RCOR1: variants seen among roughly 807,000 people sequenced by gnomAD.
The protein encoded by RCOR1 is REST corepressor.
In RCOR1, 12 loss-of-function variants were observed where a neutral mutation model predicts 64.0. The observed-to-expected ratio is 0.19, with a 90% CI of 0.12 to 0.30. The LOEUF (loss-of-function observed/expected upper bound fraction) is 0.30, where lower values mean the gene tolerates loss of function less well. Among genes scored for constraint, RCOR1 ranks in the 10% least tolerant of loss-of-function variants. The pLI is 1.00. For synonymous variants in RCOR1, 279 were observed against 227.2 expected (o/e 1.23, Z -2.05); for missense variants, 502 against 621.2 (o/e 0.81, Z 2.04).
intron 8 of RCOR1, among the ~76,000 whole-genome samples, chr14:102,720,630 G>A (rs2139994472): frequency 6.6e-6 from 1 of 152,268 alleles, no homozygotes. Context: ...GGTCCTTACT[G>A]TGGCTGCTCT....
chr14:102,693,225 T>C (rs959878203), intron 3 of RCOR1, among the ~76,000 whole-genome samples: 3 of 152,332 alleles, frequency 2.0e-5, no homozygotes, highest in African/African-American at 7.2e-5. Flanking sequence ...GTTCTTTTTC[T>C]CGGTCACTTA....
At position 102,728,829 on chromosome 14, in the gene RCOR1, T is replaced by C. The variant is rs1022054160; in HGVS notation, c.*2323T>C. On this transcript the variant is annotated 3_prime_UTR_variant, in exon 12 of 12. Transcript: ENST00000262241. Reference sequence around the variant, plus strand: ...TCATTTTTATTTGACAGAGGGAAAATGGGAGCTGTCCTTGACTGCCTTTGT... The same window carrying C: ...TCATTTTTATTTGACAGAGGGAAAACGGGAGCTGTCCTTGACTGCCTTTGT... 1.3e-5 allele frequency: 2 copies of C among 152,124 alleles called. No homozygotes were observed. Among genetic ancestry groups the C allele is most frequent in the African/African-American group, 4.8e-5 (2 of 41,422 alleles). The allele number at this position is 152,124 out of a possible 1,614,324, so 9.4% of individuals were successfully genotyped here.
intron 2 of RCOR1, among the ~76,000 whole-genome samples, chr14:102,596,902 T>G (rs1379243263): frequency 7.0e-6 from 1 of 143,790 alleles, no homozygotes. Context: ...AGACGGAGTC[T>G]TGATCTGTTG....
rs1331738063 is a variant in RCOR1 at position 102,722,168 on chromosome 14, T to A, written c.1190-19T>A. On this transcript the variant is annotated intron_variant, in intron 10 of 11. Coordinates refer to ENST00000262241, the MANE Select transcript of RCOR1 (RefSeq NM_015156.4). ...TGTTTTTCTCTTGTATTTTAAAAAA[T>A]GCTTTCTTACATCCTTAGCCATCAG... The A allele has an allele frequency of 6.3e-7, 1 of 1,585,670 alleles. No individual in the cohort carries two copies.
At chr14:102,632,822 C>CT (rs1219950956) in intron 2 of RCOR1, among the ~76,000 whole-genome samples, 4 of 122,362 alleles carry the variant, frequency 3.3e-5, no homozygotes, top group African/African-American at 6.1e-5. Flanking sequence ...TCTTTCTTTT[C>CT]TTTTTTTTGA....
intron 2 of RCOR1, chr14:102,662,470 C>T (rs936391879): frequency 7.5e-6 from 4 of 536,828 alleles, no homozygotes; most frequent in African/African-American, 3.8e-5. Flanking sequence ...CAGTGGTCAG[C>T]GGCAACTTGA....
At chr14:102,623,140 C>A (rs1373066257) in intron 2 of RCOR1, among the ~76,000 whole-genome samples, 1 of 152,048 alleles carries the variant, frequency 6.6e-6, no homozygotes, top group East Asian at 1.9e-4. Flanking sequence ...CATTTAGTTT[C>A]ATTCACAGTT....
chr14:102,700,210 T>G (rs895558136), intron 3 of RCOR1, among the ~76,000 whole-genome samples: 3 of 152,104 alleles, frequency 2.0e-5, no homozygotes, highest in Non-Finnish European at 2.9e-5. Flanking sequence ...GAACTAAAGA[T>G]TTTGTCTTCC....
At chr14:102,610,526 GATGAA>G (rs1205582492) in intron 2 of RCOR1, among the ~76,000 whole-genome samples, 1 of 152,028 alleles carries the variant, frequency 6.6e-6, no homozygotes, top group Non-Finnish European at 1.5e-5. Flanking sequence ...TAGACATTTT[GATGAA>G]ATGAAAGCTT....
At chr14:102,689,805 G>A (rs559621638) in intron 3 of RCOR1, among the ~76,000 whole-genome samples, 16 of 152,214 alleles carry the variant, frequency 1.1e-4, no homozygotes, top group African/African-American at 2.4e-4. Context: ...GTGCAGTGGC[G>A]CAATCTCAGC....
At chr14:102,597,787 C>T (rs941830597) in intron 2 of RCOR1, among the ~76,000 whole-genome samples, 1 of 151,540 alleles carries the variant, frequency 6.6e-6, no homozygotes. Context: ...GCGTGTGCCA[C>T]TATGTCTGGC....
At chr14:102,661,837 G>C (rs1461406225) in intron 2 of RCOR1, among the ~76,000 whole-genome samples, 2 of 152,154 alleles carry the variant, frequency 1.3e-5, no homozygotes, top group South Asian at 4.1e-4. Context: ...GCTCACTGCA[G>C]CCTTGAACTC....
intron 4 of RCOR1, 116 bp from the exon 5 acceptor site, chr14:102,707,235 G>A (rs959024228): frequency 2.2e-5 from 18 of 807,974 alleles, no homozygotes; most frequent in Non-Finnish European, 3.1e-5. Context: ...ACTTAGCGCT[G>A]TAGATGAGTT....
At chr14:102,623,957 G>A (rs1206230293) in intron 2 of RCOR1, among the ~76,000 whole-genome samples, 1 of 151,652 alleles carries the variant, frequency 6.6e-6, no homozygotes, top group African/African-American at 2.4e-5. Flanking sequence ...TACTTGGGAG[G>A]CTGAGGCGGG....
At chr14:102,701,370 A>G (rs1383304779) in intron 4 of RCOR1, 40 bp downstream of exon 4, 9 of 1,422,526 alleles carry the variant, frequency 6.3e-6, no homozygotes, top group Admixed American at 2.4e-5. Flanking sequence ...TTAAAAAATG[A>G]GTATTTGTAA....
chr14:102,680,055 T>A (rs1895272426), intron 2 of RCOR1, among the ~76,000 whole-genome samples: 1 of 152,222 alleles, frequency 6.6e-6, no homozygotes, highest in Non-Finnish European at 1.5e-5. Context: ...TTTCTTCATC[T>A]TCTTAGATCA....
intron 2 of RCOR1, among the ~76,000 whole-genome samples, chr14:102,616,879 TCTCC>T (rs1893772539): frequency 6.6e-6 from 1 of 152,166 alleles, no homozygotes; most frequent in Non-Finnish European, 1.5e-5. Context: ...GTTCAGTCCC[TCTCC>T]CCTCCTTGGA....
At position 102,701,476 on chromosome 14, in the gene RCOR1, G is replaced by T. The variant is rs987241368; in HGVS notation, c.498+146G>T. ...TACTAGTAGTGTTACACAAACTCTGGTCTTCTTTTTCTTGTTCAAGATGAA... is the reference window on the plus strand; with the variant it reads ...TACTAGTAGTGTTACACAAACTCTGTTCTTCTTTTTCTTGTTCAAGATGAA... On this transcript the variant is annotated intron_variant, in intron 4 of 11. Transcript: ENST00000262241. 5.9e-5 allele frequency: 33 copies of T among 558,776 alleles called. No homozygotes were observed. In the Admixed American group the frequency reaches 7.0e-4, roughly 12 times the overall value. The allele number at this position is 558,776 out of a possible 1,614,324, so 34.6% of individuals were successfully genotyped here.
intron 2 of RCOR1, among the ~76,000 whole-genome samples, chr14:102,628,370 C>T (rs1190851821): frequency 6.6e-6 from 1 of 152,146 alleles, no homozygotes; most frequent in Admixed American, 6.6e-5. Flanking sequence ...AGAACCTTTT[C>T]TTCACTTGAC....
Sources: allele counts gnomAD v4.1 joint callset (sites outside exome capture counted in the v4.1 genomes callset), GRCh38; gene constraint gnomAD v4.1.1; transcripts MANE v1.5; gene names NCBI Gene and HGNC (gene_info 2026-07-23, HGNC 2026-07-21).